Variants in FXN observed in about 807,000 individuals in gnomAD.
The protein encoded by FXN is frataxin.
In FXN, 14 loss-of-function variants were observed where a neutral mutation model predicts 22.4. That is an observed-to-expected ratio of 0.62 (90% CI 0.41 to 0.98). FXN has a LOEUF of 0.98. FXN is among the 50% of genes least tolerant of loss of function. The probability of loss-of-function intolerance (pLI) is 0.00; values close to 1 mark genes in which losing one functional copy is unlikely to be tolerated. For synonymous variants in FXN, 120 were observed against 114.1 expected (o/e 1.05, Z -0.33); for missense variants, 267 against 268.4 (o/e 0.99, Z 0.04).
intron 1 of FXN, among the ~76,000 whole-genome samples, chr9:69,040,897 C>T (rs938985964): frequency 2.6e-5 from 4 of 152,110 alleles, no homozygotes; most frequent in Non-Finnish European, 5.9e-5. Flanking sequence ...GACAAGGCAT[C>T]ATCTATGAAC....
At chr9:69,061,045 T>C (rs1832063072) in intron 3 of FXN, among the ~76,000 whole-genome samples, 1 of 152,156 alleles carries the variant, frequency 6.6e-6, no homozygotes. Context: ...GGAAGTTGAC[T>C]GCAGAGAAGG....
rs372927277 is a variant in FXN, at chr9:69,074,398, G to T, written c.*1636G>T. The T allele has an allele frequency of 3.0e-6, 3 of 984,330 alleles. No individual in the cohort carries two copies. In the Admixed American group the frequency reaches 1.8e-4, roughly 61 times the overall value. The allele number at this position is 984,330 out of a possible 1,614,324, so 61.0% of individuals were successfully genotyped here. A position where few individuals can be genotyped will look rare whatever the true frequency, so the allele number is the denominator to read the frequency against. Reference sequence around the variant, plus strand: ...AAGGATTTATTAGTGGCTGGGCATGGTGGCGTGCACCTGTAATCCCAGGTA... The same window carrying T: ...AAGGATTTATTAGTGGCTGGGCATGTTGGCGTGCACCTGTAATCCCAGGTA... On this transcript the variant is annotated 3_prime_UTR_variant, in exon 5 of 5. Coordinates refer to ENST00000484259, the MANE Select transcript of FXN (RefSeq NM_000144.5).
Position 69,073,176 on chromosome 9 carries a change from C to G in FXN, c.*414C>G. The G allele has an allele frequency of 9.1e-7, 1 of 1,098,178 alleles. No individual in the cohort carries two copies. Among genetic ancestry groups the G allele is most frequent in the Non-Finnish European group, 1.1e-6 (1 of 899,136 alleles). 68.0% of individuals were successfully genotyped at this position (1,098,178 alleles called of 1,614,324 possible). ...ATGAAGAGCAGCTGGTCAACCTGCT[C>G]ACTGTTCTATCTCCAAATGAGACAC... On this transcript the variant is annotated 3_prime_UTR_variant, in exon 5 of 5. Transcript: ENST00000484259.
At position 69,076,304 on chromosome 9, in the gene FXN, T is replaced by G. The variant is rs1054231368; in HGVS notation, c.*3542T>G. On this transcript the variant is annotated 3_prime_UTR_variant, in exon 5 of 5. Transcript: ENST00000484259. ...CAAAGCACAATCCTGATGTGAGAAG[T>G]ACTCAGTTCATGACAACTGTTGTTC... 1 of 984,846 alleles carries G rather than the reference T, an allele frequency of 1.0e-6. No individual in the cohort carries two copies. Among genetic ancestry groups the G allele is most frequent in the African/African-American group, 1.8e-5 (1 of 57,106 alleles). The allele number at this position is 984,846 out of a possible 1,614,324, so 61.0% of individuals were successfully genotyped here. A position where few individuals can be genotyped will look rare whatever the true frequency, so the allele number is the denominator to read the frequency against.
At chr9:69,064,523 G>A (rs1375731836) in intron 3 of FXN, among the ~76,000 whole-genome samples, 1 of 152,108 alleles carries the variant, frequency 6.6e-6, no homozygotes, top group African/African-American at 2.4e-5. Context: ...TGATGTTTGA[G>A]TTGACGTGGT....
At chr9:69,072,477 A>AT in intron 4 of FXN, 135 bp from the exon 5 acceptor site, 4 of 1,430,848 alleles carry the variant, frequency 2.8e-6, no homozygotes, top group Non-Finnish European at 3.8e-6. Context: ...AAGAAGGCAG[A>AT]TATACACTAG....
intron 3 of FXN, among the ~76,000 whole-genome samples, chr9:69,056,558 T>C (rs1465547052): frequency 1.3e-5 from 2 of 152,132 alleles, no homozygotes; most frequent in Non-Finnish European, 2.9e-5. Flanking sequence ...GACTGGGAGT[T>C]CGAGGCAGCT....
At chr9:69,065,642 A>G (rs12001877) in intron 4 of FXN, among the ~76,000 whole-genome samples, 3,914 of 152,100 alleles carry the variant, frequency 0.026, 162 homozygotes, top group African/African-American at 0.088. Context: ...AGTTTACTCT[A>G]GTTACATAAC....
chr9:69,052,148 T>C (rs1318821202), intron 2 of FXN, among the ~76,000 whole-genome samples: 1 of 111,178 alleles, frequency 9.0e-6, no homozygotes, highest in Non-Finnish European at 2.0e-5. Flanking sequence ...AGGCCCAGCC[T>C]ATTTTTTTTT....
In FXN at chr9:69,073,580, A is replaced by G. The variant is rs978016309; in HGVS notation, c.*818A>G. 1.2e-5 allele frequency: 12 copies of G among 985,316 alleles called. No homozygotes were observed. The African/African-American group carries it at 2.1e-4, about 17-fold the overall frequency. 61.0% of individuals were successfully genotyped at this position (985,316 alleles called of 1,614,324 possible). A position where few individuals can be genotyped will look rare whatever the true frequency, so the allele number is the denominator to read the frequency against. On this transcript the variant is annotated 3_prime_UTR_variant, in exon 5 of 5. Coordinates refer to ENST00000484259, the MANE Select transcript of FXN (RefSeq NM_000144.5). The stretch of plus-strand genomic sequence containing the variant: ...GTGCCTTGTAAACATGAAGGGGCAG[A>G]TAAAGGAAGGAGATACTCATGTTGA...
chr9:69,073,574 G>A lies in FXN; in HGVS notation c.*812G>A. ...GAGGAGGTGCCTTGTAAACATGAAG[G>A]GGCAGATAAAGGAAGGAGATACTCA... On this transcript the variant is annotated 3_prime_UTR_variant, in exon 5 of 5. Transcript: ENST00000484259. The A allele has an allele frequency of 1.0e-6, 1 of 985,386 alleles. No individual in the cohort carries two copies. Among genetic ancestry groups the A allele is most frequent in the Non-Finnish European group, 1.2e-6 (1 of 829,940 alleles). The allele number at this position is 985,386 out of a possible 1,614,324, so 61.0% of individuals were successfully genotyped here. A position where few individuals can be genotyped will look rare whatever the true frequency, so the allele number is the denominator to read the frequency against.
rs1831753436 is a variant in FXN, at chr9:69,046,387, T to G, written c.168T>G (p.Ser56Arg). 2 of 1,613,562 alleles carry G rather than the reference T, an allele frequency of 1.2e-6. No homozygotes were observed. The highest frequency in any genetic ancestry group is 4.5e-5 in the East Asian group (2 of 44,872). Reference protein sequence around the residue: ...IDATCTPRRASSNQRGLNQIW... With the variant: ...IDATCTPRRARSNQRGLNQIW... ...TACTTCTTAACTTTGGCTTTCAGAG[T>G]TCGAACCAACGTGGCCTCAACCAGA... Residue 56 changes from serine (S) to arginine (R), a missense_variant and splice_region_variant, in exon 2 of 5, where the codon AGT becomes AGG. Transcript: ENST00000484259.
chr9:69,052,406 GGCCTCC>G (rs1831869699), intron 2 of FXN, among the ~76,000 whole-genome samples: 1 of 151,998 alleles, frequency 6.6e-6, no homozygotes, highest in Non-Finnish European at 1.5e-5. Context: ...CACCTACCTC[GGCCTCC>G]GAAAGTCCTG....
At chr9:69,053,602 CTTG>C (rs1831900963) in intron 3 of FXN, among the ~76,000 whole-genome samples, 1 of 152,124 alleles carries the variant, frequency 6.6e-6, no homozygotes, top group African/African-American at 2.4e-5. Flanking sequence ...CTCTACCAGG[CTTG>C]TTGTGACTCT....
In FXN at chr9:69,036,062, A is replaced by G. The variant is rs868182314; in HGVS notation, c.165+115A>G. The G allele has an allele frequency of 3.1e-5, 29 of 921,478 alleles. No homozygotes were observed. In the South Asian group the frequency reaches 1.2e-3, roughly 38 times the overall value. 57.1% of individuals were successfully genotyped at this position (921,478 alleles called of 1,614,324 possible). Reference sequence around the variant, plus strand: ...TCGCTCCGGGTACGCGCGCTGGACTAGCTCACCCCGCTCCTTCTCAGGGCG... The same window carrying G: ...TCGCTCCGGGTACGCGCGCTGGACTGGCTCACCCCGCTCCTTCTCAGGGCG... On this transcript the variant is annotated intron_variant, in intron 1 of 4. Coordinates refer to ENST00000484259, the MANE Select transcript of FXN (RefSeq NM_000144.5).
chr9:69,037,274 A>AC (rs1831568966), intron 1 of FXN, among the ~76,000 whole-genome samples: 1 of 49,194 alleles, frequency 2.0e-5, no homozygotes, highest in Non-Finnish European at 4.1e-5. Context: ...AAAATACAAA[A>AC]AAAAAAAAAA....
At position 69,073,180 on chromosome 9, in the gene FXN, G is replaced by C. The variant is rs1287719287; in HGVS notation, c.*418G>C. ...AGAGCAGCTGGTCAACCTGCTCACT[G>C]TTCTATCTCCAAATGAGACACATTA... On this transcript the variant is annotated 3_prime_UTR_variant, in exon 5 of 5. Transcript: ENST00000484259. 9.2e-7 allele frequency: 1 copy of C among 1,091,576 alleles called. No homozygotes were observed. The highest frequency in any genetic ancestry group is 1.7e-5 in the African/African-American group (1 of 60,256). 67.6% of individuals were successfully genotyped at this position (1,091,576 alleles called of 1,614,324 possible).
At chr9:69,054,362 C>T (rs1332576578) in intron 3 of FXN, among the ~76,000 whole-genome samples, 7 of 152,218 alleles carry the variant, frequency 4.6e-5, no homozygotes. Flanking sequence ...CAGGGAAGTG[C>T]TGGTCTTTAT....
Position 69,078,238 on chromosome 9 carries a change from G to A in FXN, c.*5476G>A, listed in dbSNP as rs1035662310. ...ACAGAGATTATAACTACAATGTGAA[G>A]TGAATGGTGCCACTGACAGTTATGC... On this transcript the variant is annotated 3_prime_UTR_variant, in exon 5 of 5. Coordinates refer to ENST00000484259, the MANE Select transcript of FXN (RefSeq NM_000144.5). 1 of 985,020 alleles carries A rather than the reference G, an allele frequency of 1.0e-6. No homozygotes were observed. The highest frequency in any genetic ancestry group is 1.1e-4 in the East Asian group (1 of 8,822). The allele number at this position is 985,020 out of a possible 1,614,324, so 61.0% of individuals were successfully genotyped here. A position where few individuals can be genotyped will look rare whatever the true frequency, so the allele number is the denominator to read the frequency against.
Sources: allele counts gnomAD v4.1 joint callset (sites outside exome capture counted in the v4.1 genomes callset), GRCh38; gene constraint gnomAD v4.1.1; transcripts MANE v1.5; gene names NCBI Gene and HGNC (gene_info 2026-07-23, HGNC 2026-07-21).